UBE2J2: variants seen among roughly 807,000 people sequenced by gnomAD.
The protein encoded by UBE2J2 is ubiquitin conjugating enzyme E2 J2.
In UBE2J2, 5 loss-of-function variants were observed where a neutral mutation model predicts 28.6. That is an observed-to-expected ratio of 0.17 (90% CI 0.09 to 0.37). The LOEUF is 0.37. Among genes scored for constraint, UBE2J2 ranks in the 10% least tolerant of loss-of-function variants. The pLI is 1.00. For missense variants in UBE2J2, 226 were observed against 338.9 expected (o/e 0.67, Z 2.62); for synonymous variants, 138 against 139.7 (o/e 0.99, Z 0.09).
At chr1:1,262,776 A>G (rs1639636846) in intron 3 of UBE2J2, 1 of 178,396 alleles carries the variant, frequency 5.6e-6, no homozygotes, top group Non-Finnish European at 1.2e-5. Flanking sequence ...CATCTTCTCT[A>G]TAAATGACAC....
chr1:1,268,045 C>T lies in UBE2J2; in HGVS notation c.1-53G>A, dbSNP rs1026672699. 14 of 1,601,776 alleles carry T rather than the reference C, an allele frequency of 8.7e-6. No homozygotes were observed. In the African/African-American group the frequency reaches 1.5e-4, roughly 17 times the overall value. On this transcript the variant is annotated intron_variant, in intron 1 of 6. Coordinates refer to ENST00000349431, the MANE Select transcript of UBE2J2 (RefSeq NM_058167.3). This position sits in a 1 kb window ranked among gnomAD's most constrained non-coding sequence, Gnocchi z 4.7. ...ACGAGAAGCAGCGCCGGCCACAGCT[C>T]TCTCCCCTGGCGCAGCCCCACTCCC...
Position 1,268,350 on chromosome 1 carries a change from T to C in UBE2J2, c.1-358A>G, listed in dbSNP as rs1357019447. Among the ~76,000 whole-genome samples, 2 of 152,118 alleles carry C rather than the reference T, an allele frequency of 1.3e-5. No individual in the cohort carries two copies. The highest frequency in any genetic ancestry group is 2.4e-5 in the African/African-American group (1 of 41,416). ...CCTCAGACCAGCTCCTGAGGGCAGCTACTCGCACCTTCCAACTCAGCTCAA... is the reference window on the plus strand; with the variant it reads ...CCTCAGACCAGCTCCTGAGGGCAGCCACTCGCACCTTCCAACTCAGCTCAA... On this transcript the variant is annotated intron_variant, in intron 1 of 6. Coordinates refer to ENST00000349431, the MANE Select transcript of UBE2J2 (RefSeq NM_058167.3). This position sits in a 1 kb window ranked among gnomAD's most constrained non-coding sequence, Gnocchi z 4.7.
intron 3 of UBE2J2, among the ~76,000 whole-genome samples, chr1:1,259,293 C>T (rs945488301): frequency 4.0e-5 from 6 of 149,902 alleles, no homozygotes; most frequent in Admixed American, 1.3e-4. Flanking sequence ...GCCATCAGGA[C>T]GCGTGTGCAC....
intron 1 of UBE2J2, chr1:1,273,295 G>A (rs140729497): frequency 2.0e-5 from 3 of 152,288 alleles, no homozygotes; most frequent in Non-Finnish European, 2.9e-5. Flanking sequence ...GCAGTCTGGA[G>A]TCTAACAGTT....
intron 3 of UBE2J2, 88 bp downstream of exon 3, chr1:1,263,258 G>C: frequency 8.0e-7 from 1 of 1,250,610 alleles, no homozygotes; most frequent in Non-Finnish European, 1.2e-6. Flanking sequence ...AAAGGCTGCT[G>C]TTTGCAAATA....
chr1:1,262,408 C>G (rs1346789985), intron 3 of UBE2J2: 2 of 443,770 alleles, frequency 4.5e-6, no homozygotes, highest in African/African-American at 4.0e-5. Context: ...AAAGGAGAGT[C>G]CACAGGTGTG....
At chr1:1,264,447 C>T (rs770354309) in intron 2 of UBE2J2, among the ~76,000 whole-genome samples, 1 of 152,206 alleles carries the variant, frequency 6.6e-6, no homozygotes, top group Non-Finnish European at 1.5e-5. Flanking sequence ...TTTCCCCTTG[C>T]TCTGCCCCAG....
In UBE2J2 at chr1:1,254,381, CTTCCACCA is replaced by C. The variant is rs978937378; in HGVS notation, c.*814_*821del. On this transcript the variant is annotated 3_prime_UTR_variant, in exon 7 of 7. Transcript: ENST00000349431. The stretch of plus-strand genomic sequence containing the variant: ...TTCTGCAGGGACTCCGGTCCTCCGC[CTTCCACCA>C]GCATAGGAGGACGGGCTTCTGGCCC... 6.6e-6 allele frequency: 1 copy of C among 152,290 alleles called. No individual in the cohort carries two copies. Among genetic ancestry groups the C allele is most frequent in the Non-Finnish European group, 1.5e-5 (1 of 68,080 alleles). 9.4% of individuals were successfully genotyped at this position (152,290 alleles called of 1,614,324 possible). A position where few individuals can be genotyped will look rare whatever the true frequency, so the allele number is the denominator to read the frequency against.
rs60924258 is a variant in UBE2J2 at position 1,271,974 on chromosome 1, C to CAAA, written c.-1+1689_-1+1691dup. On this transcript the variant is annotated intron_variant, in intron 1 of 6. Transcript: ENST00000349431. Reference sequence around the variant, plus strand: ...GGGCAACAAGAGCGAAACTCCGTCTCAAAAAAAAAAAAAAAAAAAAAAAAA... The same window carrying CAAA: ...GGGCAACAAGAGCGAAACTCCGTCTCAAAAAAAAAAAAAAAAAAAAAAAAAAAA... 8.2e-3 allele frequency among the ~76,000 whole-genome samples: 227 copies of CAAA among 27,566 alleles called. 13 individuals carry two copies. The highest frequency in any genetic ancestry group is 0.015 in the African/African-American group (204 of 13,282). 18.1% of individuals were successfully genotyped at this position (27,566 alleles called of 152,430 possible).
At chr1:1,262,606 C>T (rs571064678) in intron 3 of UBE2J2, among the ~76,000 whole-genome samples, 4 of 152,322 alleles carry the variant, frequency 2.6e-5, no homozygotes, top group East Asian at 1.9e-4. Flanking sequence ...CACCTGAAGC[C>T]GGGGCCCTGT....
At chr1:1,267,597 G>A (rs991767364) in intron 2 of UBE2J2, 19 of 791,720 alleles carry the variant, frequency 2.4e-5, no homozygotes, top group African/African-American at 5.3e-5. Flanking sequence ...CCTGGACCCC[G>A]CCCCCCTCAA....
chr1:1,264,340 A>T (rs1401414577), intron 2 of UBE2J2, among the ~76,000 whole-genome samples: 3 of 152,248 alleles, frequency 2.0e-5, no homozygotes, highest in African/African-American at 7.2e-5. Flanking sequence ...TTCCCAAACG[A>T]AACAGAAGAG....
At position 1,258,557 on chromosome 1, in the gene UBE2J2, C is replaced by A. The variant is rs114646916; in HGVS notation, c.173-1247G>T. 4.6e-3 allele frequency among the ~76,000 whole-genome samples: 705 copies of A among 152,304 alleles called. 5 individuals carry two copies. Among genetic ancestry groups the A allele is most frequent in the African/African-American group, 0.016 (655 of 41,578 alleles). ...TAGTTTCACGGCCTCCCATCAGGAGCCCTGCAATGGCTGCTCAGCCACTTC... is the reference window on the plus strand; with the variant it reads ...TAGTTTCACGGCCTCCCATCAGGAGACCTGCAATGGCTGCTCAGCCACTTC... On this transcript the variant is annotated intron_variant, in intron 3 of 6. Transcript: ENST00000349431.
chr1:1,267,514 G>A (rs1639936476), intron 2 of UBE2J2, among the ~76,000 whole-genome samples: 1 of 152,184 alleles, frequency 6.6e-6, no homozygotes, highest in Non-Finnish European at 1.5e-5. Flanking sequence ...CAACAGCTGT[G>A]AACCCTGCAT....
chr1:1,255,190 C>T lies in UBE2J2; in HGVS notation c.*13G>A, dbSNP rs372155634. ...GTGCCCTCAGTGGCGCCTTGGGTCT[C>T]GGCGCCTGGGCCTCACTCCTGCGCG... On this transcript the variant is annotated 3_prime_UTR_variant, in exon 7 of 7. Coordinates refer to ENST00000349431, the MANE Select transcript of UBE2J2 (RefSeq NM_058167.3). 7.4e-4 allele frequency: 1,154 copies of T among 1,567,178 alleles called. No individual in the cohort carries two copies. Among genetic ancestry groups the T allele is most frequent in the Non-Finnish European group, 9.2e-4 (1,064 of 1,152,290 alleles).
chr1:1,266,982 G>A lies in UBE2J2; in HGVS notation c.131+880C>T, dbSNP rs979099896. Among the ~76,000 whole-genome samples, 14 of 151,910 alleles carry A rather than the reference G, an allele frequency of 9.2e-5. No homozygotes were observed. In the East Asian group the frequency reaches 1.6e-3, roughly 17 times the overall value. On this transcript the variant is annotated intron_variant, in intron 2 of 6. Transcript: ENST00000349431. ...CAGCTCACTGCAAGCTCCGCCTCCC[G>A]GGTTCAAGCGATTCTCCTGCCTCGG...
chr1:1,265,564 C>CGTGTGTGTGT lies in UBE2J2; in HGVS notation c.132-2188_132-2179dup, dbSNP rs112951404. 6.7e-3 allele frequency among the ~76,000 whole-genome samples: 957 copies of CGTGTGTGTGT among 143,318 alleles called. 12 individuals are homozygous for CGTGTGTGTGT. Among genetic ancestry groups the CGTGTGTGTGT allele is most frequent in the African/African-American group, 0.024 (908 of 38,362 alleles). 94.0% of individuals were successfully genotyped at this position (143,318 alleles called of 152,430 possible). A position where few individuals can be genotyped will look rare whatever the true frequency, so the allele number is the denominator to read the frequency against. ...CCGCTGGCTGACTGCAGTTTTCTCT[C>CGTGTGTGTGT]GTGTGTGTGTGTGTGTGTGTGTGTG... is the stretch of plus-strand genomic sequence containing the variant. On this transcript the variant is annotated intron_variant, in intron 2 of 6. Transcript: ENST00000349431.
chr1:1,266,111 C>T (rs765159646), intron 2 of UBE2J2: 2 of 1,304,064 alleles, frequency 1.5e-6, no homozygotes, highest in Non-Finnish European at 2.0e-6. Flanking sequence ...CCAGCGATGT[C>T]CTGGGGCCAC....
chr1:1,256,667 G>A (rs1202858980), intron 5 of UBE2J2, among the ~76,000 whole-genome samples: 7 of 152,080 alleles, frequency 4.6e-5, no homozygotes, highest in Admixed American at 1.3e-4. Context: ...CGGATCACGA[G>A]GTCAGGAAAT....
Sources: gnomAD v4.1 joint callset for allele counts (sites outside exome capture counted in the v4.1 genomes callset) on GRCh38, gnomAD v4.1.1 for gene constraint, Gnocchi (gnomAD v3.1) non-coding constraint, MANE v1.5 for transcripts, NCBI Gene and HGNC (gene_info 2026-07-23, HGNC 2026-07-21) for gene names.